Variants in ATP9B observed in about 807,000 individuals in gnomAD.
ATP9B encodes probable phospholipid-transporting ATPase IIB.
A neutral mutation model predicts 146.1 loss-of-function variants in ATP9B; 110 were observed. The ratio of observed to expected loss-of-function variants is 0.75; its 90% confidence interval spans 0.65 to 0.88. ATP9B has a LOEUF of 0.88. Ranked by LOEUF, ATP9B falls within the 40% of genes least tolerant of loss-of-function variation. The pLI, the probability that ATP9B is intolerant of heterozygous loss-of-function variation, is 0.00. For missense variants in ATP9B, 1,499 were observed against 1,496.4 expected, an observed-to-expected ratio of 1.00 and a Z score of -0.03; for synonymous variants, 604 against 569.7, an observed-to-expected ratio of 1.06 and a Z score of -0.86.
chr18:79,137,167 C>A (rs1352932578), intron 5 of ATP9B, among the ~76,000 whole-genome samples: 2 of 151,962 alleles, frequency 1.3e-5, no homozygotes, highest in Non-Finnish European at 2.9e-5. Flanking sequence ...TTTTTTGTAT[C>A]CTTCATGTCT....
At chr18:79,296,662 T>C (rs1167755005) in intron 13 of ATP9B, among the ~76,000 whole-genome samples, 1 of 152,254 alleles carries the variant, frequency 6.6e-6, no homozygotes, top group African/African-American at 2.4e-5. Flanking sequence ...GATTTCTGTT[T>C]ACAGCAGTCT....
intron 6 of ATP9B, chr18:79,146,851 A>T (rs1025703252): frequency 6.6e-6 from 1 of 152,628 alleles, no homozygotes; most frequent in Admixed American, 6.5e-5. Flanking sequence ...ATCAGAGGAA[A>T]CCAACTGAAA....
chr18:79,283,800 T>C (rs905849235), intron 13 of ATP9B, among the ~76,000 whole-genome samples: 2 of 152,210 alleles, frequency 1.3e-5, no homozygotes, highest in Non-Finnish European at 2.9e-5. Flanking sequence ...GGACAGCCAA[T>C]TTGTACTTAA....
rs532560690 is a variant in ATP9B at position 79,295,806 on chromosome 18, G to T, written c.1412-7798G>T. Among the ~76,000 whole-genome samples, 3 of 152,238 alleles carry T rather than the reference G, an allele frequency of 2.0e-5. No individual in the cohort carries two copies. The South Asian group carries it at 6.2e-4, about 32-fold the overall frequency. ...TGGTTCCCTTAAAAGCAAGGTCCTA[G>T]GGAGGCAGATTCCCTCTCCCAGCCC... On this transcript the variant is annotated intron_variant, in intron 13 of 29. Transcript: ENST00000426216.
chr18:79,288,871 C>T (rs1433414567), intron 13 of ATP9B, among the ~76,000 whole-genome samples: 2 of 152,002 alleles, frequency 1.3e-5, no homozygotes, highest in African/African-American at 2.4e-5. Flanking sequence ...CCTTCACTTA[C>T]GAAGCTTAGT....
At chr18:79,359,542 C>G (rs1185027096) in intron 26 of ATP9B, 80 bp downstream of exon 26, 1 of 1,069,406 alleles carries the variant, frequency 9.4e-7, no homozygotes, top group Non-Finnish European at 1.4e-6. Context: ...ACAGGCCAGT[C>G]AGGAGGCATT....
intron 13 of ATP9B, among the ~76,000 whole-genome samples, chr18:79,294,042 G>C (rs1018193230): frequency 1.3e-5 from 2 of 152,062 alleles, no homozygotes; most frequent in African/African-American, 2.4e-5. Flanking sequence ...CTCAGAACTT[G>C]AAATACTACC....
intron 1 of ATP9B, among the ~76,000 whole-genome samples, chr18:79,093,596 T>A (rs912422083): frequency 6.6e-6 from 1 of 152,208 alleles, no homozygotes; most frequent in African/African-American, 2.4e-5. Context: ...TTTGGGAAGC[T>A]TTTGTCCATT....
At chr18:79,083,603 CA>C (rs1266610597) in intron 1 of ATP9B, among the ~76,000 whole-genome samples, 1 of 152,080 alleles carries the variant, frequency 6.6e-6, no homozygotes, top group Non-Finnish European at 1.5e-5. Context: ...GTATCTGGGC[CA>C]AAATGCTCTG....
chr18:79,250,548 T>C (rs996954356), intron 11 of ATP9B, among the ~76,000 whole-genome samples: 2 of 152,220 alleles, frequency 1.3e-5, no homozygotes, highest in Admixed American at 6.5e-5. Flanking sequence ...CTTTGAAACA[T>C]GCTCTACTTC....
intron 6 of ATP9B, among the ~76,000 whole-genome samples, chr18:79,148,178 T>C (rs897452835): frequency 6.6e-6 from 1 of 151,084 alleles, no homozygotes; most frequent in Non-Finnish European, 1.5e-5. Context: ...AATTTAAAGC[T>C]CTAGGAAGGA....
chr18:79,360,676 C>A (rs1164617759), intron 26 of ATP9B: 1 of 152,156 alleles, frequency 6.6e-6, no homozygotes, highest in Admixed American at 6.5e-5. Context: ...GAAATAAAGA[C>A]TTTAAAGTTT....
At chr18:79,377,212 C>T in intron 29 of ATP9B, 35 bp from the exon 30 acceptor site, 1 of 1,607,590 alleles carries the variant, frequency 6.2e-7, no homozygotes, top group Non-Finnish European at 8.5e-7. Flanking sequence ...ACTTCTTGGT[C>T]AGCTCTTACC....
chr18:79,258,099 T>C (rs1336138624), intron 12 of ATP9B, among the ~76,000 whole-genome samples: 1 of 152,220 alleles, frequency 6.6e-6, no homozygotes, highest in Non-Finnish European at 1.5e-5. Flanking sequence ...TTATGAAAAT[T>C]AGTTTACGCA....
intron 4 of ATP9B, among the ~76,000 whole-genome samples, chr18:79,123,602 T>C (rs1435638282): frequency 6.6e-6 from 1 of 152,008 alleles, no homozygotes; most frequent in Non-Finnish European, 1.5e-5. Context: ...TGCAAAGGGC[T>C]CAGAGTGGCT....
At position 79,336,794 on chromosome 18, in the gene ATP9B, A is replaced by T. The variant is rs1327337538; in HGVS notation, c.2112+83A>T. On this transcript the variant is annotated intron_variant, in intron 18 of 29. Coordinates refer to ENST00000426216, the MANE Select transcript of ATP9B (RefSeq NM_198531.5). ...TTAGTTCTTCCTGTCTTTGTATGAA[A>T]TTAGAGCTGGGATCGCTATAGTCTA... The T allele has an allele frequency of 1.1e-5, 15 of 1,413,824 alleles. No individual in the cohort carries two copies. In the Admixed American group the frequency reaches 2.9e-4, roughly 27 times the overall value. 87.6% of individuals were successfully genotyped at this position (1,413,824 alleles called of 1,614,324 possible).
At chr18:79,178,153 G>A (rs1159358774) in intron 8 of ATP9B, among the ~76,000 whole-genome samples, 2 of 152,102 alleles carry the variant, frequency 1.3e-5, no homozygotes, top group African/African-American at 4.8e-5. Context: ...TGGGGCTGGG[G>A]TGTGTGTGCA....
In ATP9B at chr18:79,328,447, A is replaced by T. The variant is rs547437981; in HGVS notation, c.1774-694A>T. On this transcript the variant is annotated intron_variant, in intron 15 of 29. Coordinates refer to ENST00000426216, the MANE Select transcript of ATP9B (RefSeq NM_198531.5). ...ATAAGAATACATTCTATTTCTGAGT[A>T]CCTGCCATATGCCAGAGAATCACTC... is the stretch of plus-strand genomic sequence containing the variant. 1.3e-3 allele frequency among the ~76,000 whole-genome samples: 203 copies of T among 152,322 alleles called. 4 individuals carry two copies. The highest frequency in any genetic ancestry group is 4.8e-3 in the African/African-American group (201 of 41,566).
At chr18:79,175,627 A>G (rs1263089113) in intron 7 of ATP9B, among the ~76,000 whole-genome samples, 1 of 152,236 alleles carries the variant, frequency 6.6e-6, no homozygotes, top group African/African-American at 2.4e-5. Flanking sequence ...GCACACAGAT[A>G]TGTTCACACA....
Sources: allele counts gnomAD v4.1 joint callset (sites outside exome capture counted in the v4.1 genomes callset), GRCh38; gene constraint gnomAD v4.1.1; transcripts MANE v1.5; gene names NCBI Gene and HGNC (gene_info 2026-07-23, HGNC 2026-07-21).